The following ACTA2 variants were observed in gnomAD, a reference collection of about 807,000 sequenced individuals.
The protein encoded by ACTA2 is actin alpha 2, smooth muscle.
A neutral mutation model predicts 39.5 loss-of-function variants in ACTA2; 12 were observed. The observed-to-expected ratio is 0.30, with a 90% CI of 0.19 to 0.49. The LOEUF (loss-of-function observed/expected upper bound fraction) is 0.49, where lower values mean the gene tolerates loss of function less well. Among genes scored for constraint, ACTA2 ranks in the 20% least tolerant of loss-of-function variants. ACTA2 has a pLI of 0.99. For synonymous variants in ACTA2, 158 were observed against 180.6 expected, an observed-to-expected ratio of 0.88 and a Z score of 1.00; for missense variants, 236 against 498.8, an observed-to-expected ratio of 0.47 and a Z score of 5.02.
intron 1 of ACTA2, among the ~76,000 whole-genome samples, chr10:88,962,910 CCCATATATATATATATATAT>C (rs1564653371): frequency 5.6e-5 from 5 of 89,510 alleles, no homozygotes; most frequent in Non-Finnish European, 1.1e-4. Context: ...AGGGGAATGC[CCCATATATATATATATATAT>C]ATATATATAT....
At chr10:88,991,087 C>G in exon 1 of ACTA2, 1 of 734,604 alleles carries the variant, frequency 1.4e-6, no homozygotes, top group East Asian at 2.7e-5. Flanking sequence ...AGGACCTTCC[C>G]TCAGGCCCGG....
intron 1 of ACTA2, chr10:88,973,121 AT>A: frequency 2.0e-6 from 3 of 1,496,644 alleles, no homozygotes; most frequent in Non-Finnish European, 2.7e-6. Flanking sequence ...TTCTATTTTA[AT>A]TTTTCCTGGG....
chr10:88,978,147 G>A, intron 1 of ACTA2, among the ~76,000 whole-genome samples: 1 of 109,036 alleles, frequency 9.2e-6, no homozygotes, highest in African/African-American at 3.5e-5. Flanking sequence ...ACTATCGCAA[G>A]AACAAAAAAC....
chr10:88,988,082 T>C (rs920167466), intron 1 of ACTA2, among the ~76,000 whole-genome samples: 16 of 152,222 alleles, frequency 1.1e-4, no homozygotes, highest in Non-Finnish European at 2.4e-4. Flanking sequence ...TGCCAGCCTC[T>C]ACAATCACGT....
chr10:88,939,794 G>A, intron 6 of ACTA2, 96 bp from the exon 7 acceptor site: 2 of 1,311,884 alleles, frequency 1.5e-6, no homozygotes, highest in Non-Finnish European at 2.2e-6. Flanking sequence ...CAAGACATGT[G>A]CCATCAAAAA....
intron 3 of ACTA2, among the ~76,000 whole-genome samples, chr10:88,945,681 A>G (rs1315940851): frequency 6.6e-6 from 1 of 152,224 alleles, no homozygotes; most frequent in East Asian, 1.9e-4. Flanking sequence ...AATATTTATC[A>G]TATAGCTTTT....
At chr10:88,983,932 T>C (rs558086628) in intron 1 of ACTA2, among the ~76,000 whole-genome samples, 27 of 152,304 alleles carry the variant, frequency 1.8e-4, no homozygotes, top group African/African-American at 6.5e-4. Flanking sequence ...CTCAGTTTAC[T>C]GTGATCAGAG....
intron 7 of ACTA2, among the ~76,000 whole-genome samples, chr10:88,938,951 T>A (rs1268270578): frequency 2.0e-5 from 3 of 152,180 alleles, no homozygotes; most frequent in African/African-American, 7.2e-5. Context: ...TCTCCTGTAA[T>A]TCTCACAGCC....
chr10:88,988,744 T>C (rs1036157297), intron 1 of ACTA2, among the ~76,000 whole-genome samples: 5 of 152,218 alleles, frequency 3.3e-5, no homozygotes, highest in Non-Finnish European at 7.4e-5. Context: ...TAGGTGTTCA[T>C]TCAATAGATT....
At chr10:88,986,302 T>C (rs1564665279) in intron 1 of ACTA2, among the ~76,000 whole-genome samples, 1 of 152,150 alleles carries the variant, frequency 6.6e-6, no homozygotes, top group East Asian at 1.9e-4. Flanking sequence ...TCATAGAATA[T>C]CTGTGTTTTC....
chr10:88,981,620 A>G (rs968675747), intron 1 of ACTA2, among the ~76,000 whole-genome samples: 1 of 152,152 alleles, frequency 6.6e-6, no homozygotes, highest in Non-Finnish European at 1.5e-5. Context: ...TAACAGTACC[A>G]CAAGCAGTGG....
chr10:88,981,748 C>T (rs7906322), intron 1 of ACTA2, among the ~76,000 whole-genome samples: 3,861 of 152,162 alleles, frequency 0.025, 155 homozygotes, highest in African/African-American at 0.087. Context: ...TAGTCCCAGT[C>T]CCAGATACTA....
At chr10:88,964,922 A>C (rs1416153274) in intron 1 of ACTA2, among the ~76,000 whole-genome samples, 1 of 151,548 alleles carries the variant, frequency 6.6e-6, no homozygotes, top group Non-Finnish European at 1.5e-5. Flanking sequence ...TGCAACTTTC[A>C]CTCCAAGCTT....
At chr10:88,944,391 A>T (rs1028704405) in intron 3 of ACTA2, among the ~76,000 whole-genome samples, 5 of 152,218 alleles carry the variant, frequency 3.3e-5, no homozygotes, top group African/African-American at 4.8e-5. Context: ...TGTTATTATT[A>T]TTCAACTCTA....
At chr10:88,973,394 A>C in intron 1 of ACTA2, 1 of 1,384,296 alleles carries the variant, frequency 7.2e-7, no homozygotes, top group Non-Finnish European at 9.5e-7. Flanking sequence ...TCTTTCATAG[A>C]GTTCCCGATG....
At chr10:88,945,474 A>G (rs1161777405) in intron 3 of ACTA2, among the ~76,000 whole-genome samples, 3 of 152,226 alleles carry the variant, frequency 2.0e-5, no homozygotes, top group Non-Finnish European at 4.4e-5. Context: ...TGATTCTGAT[A>G]TATCTTGCTG....
chr10:88,950,067 C>T (rs1163954859), intron 1 of ACTA2, among the ~76,000 whole-genome samples: 1 of 152,120 alleles, frequency 6.6e-6, no homozygotes, highest in Non-Finnish European at 1.5e-5. Context: ...ACATTTTCAT[C>T]CAATGCTCTC....
At chr10:88,952,560 A>C (rs1846069102) in intron 1 of ACTA2, among the ~76,000 whole-genome samples, 171 bp downstream of exon 1, 1 of 152,232 alleles carries the variant, frequency 6.6e-6, no homozygotes, top group Non-Finnish European at 1.5e-5. Context: ...CCTGTCTTTA[A>C]CGTTAGATCA....
chr10:88,976,569 T>C (rs192520848), intron 1 of ACTA2, among the ~76,000 whole-genome samples: 1 of 152,226 alleles, frequency 6.6e-6, no homozygotes, highest in Non-Finnish European at 1.5e-5. Flanking sequence ...AAAAACCCAC[T>C]TCCTTTCCAC....
Sources: gnomAD v4.1 joint callset for allele counts (sites outside exome capture counted in the v4.1 genomes callset) on GRCh38, gnomAD v4.1.1 for gene constraint, MANE v1.5 for transcripts, NCBI Gene and HGNC (gene_info 2026-07-23, HGNC 2026-07-21) for gene names.